The following DGKH variants were observed in gnomAD, a reference collection of about 807,000 sequenced individuals.
The protein encoded by DGKH is DAG kinase eta.
Under a neutral mutation model 159.3 loss-of-function variants are expected in DGKH, and 90 were observed. The ratio of observed to expected loss-of-function variants is 0.57; its 90% CI spans 0.48 to 0.67. The LOEUF is 0.67. Ranked by LOEUF, DGKH falls within the 30% of genes least tolerant of loss-of-function variation. DGKH has a pLI of 0.00. For synonymous variants in DGKH, 536 were observed against 553.8 expected, an observed-to-expected ratio of 0.97 and a Z score of 0.45; for missense variants, 1,181 against 1,506.1, an observed-to-expected ratio of 0.78 and a Z score of 3.57.
chr13:42,203,003 G>A (rs2138167482), intron 20 of DGKH, among the ~76,000 whole-genome samples: 1 of 152,170 alleles, frequency 6.6e-6, no homozygotes, highest in East Asian at 1.9e-4. Flanking sequence ...TTCATCTGTA[G>A]GCTATAATGA....
chr13:42,223,835 C>T (rs933596702), intron 29 of DGKH, among the ~76,000 whole-genome samples: 2 of 152,028 alleles, frequency 1.3e-5, no homozygotes, highest in South Asian at 2.1e-4. Flanking sequence ...AGGGCTTTTA[C>T]GGAATCCATT....
At chr13:42,210,919 C>T (rs1438555063) in intron 24 of DGKH, among the ~76,000 whole-genome samples, 154 bp downstream of exon 24, 1 of 152,116 alleles carries the variant, frequency 6.6e-6, no homozygotes, top group Non-Finnish European at 1.5e-5. Flanking sequence ...GTTTATTTCT[C>T]CATTTTATAT....
chr13:42,051,135 A>T (rs556308456), intron 1 of DGKH, among the ~76,000 whole-genome samples: 2 of 152,226 alleles, frequency 1.3e-5, no homozygotes, highest in South Asian at 4.3e-4. Flanking sequence ...GTGATTTTCT[A>T]TCTGACTTTC....
chr13:42,159,972 C>T, intron 6 of DGKH, 39 bp from the exon 7 acceptor site: 1 of 1,614,056 alleles, frequency 6.2e-7, no homozygotes, highest in Non-Finnish European at 8.5e-7. Flanking sequence ...TTGGTGTCCG[C>T]CAGTCTTCAC....
intron 3 of DGKH, among the ~76,000 whole-genome samples, chr13:42,135,064 T>C (rs1426273086): frequency 6.6e-6 from 1 of 152,230 alleles, no homozygotes; most frequent in Non-Finnish European, 1.5e-5. Flanking sequence ...AGTTTGAGTT[T>C]ATGATTACAC....
At chr13:42,226,362 T>C (rs1184562816) in intron 29 of DGKH, among the ~76,000 whole-genome samples, 2 of 152,288 alleles carry the variant, frequency 1.3e-5, no homozygotes, top group East Asian at 3.9e-4. Flanking sequence ...TGTAAATTAG[T>C]TCAATCATTG....
chr13:42,103,800 G>A (rs974539915), intron 1 of DGKH, among the ~76,000 whole-genome samples: 2 of 152,296 alleles, frequency 1.3e-5, no homozygotes, highest in East Asian at 1.9e-4. Flanking sequence ...TTGGAGAGAA[G>A]GAGTGGATAC....
chr13:42,215,492 A>T, intron 25 of DGKH, 83 bp from the exon 26 acceptor site: 1 of 1,056,226 alleles, frequency 9.5e-7, no homozygotes, highest in Middle Eastern at 3.0e-4. Flanking sequence ...AATTTAAATT[A>T]TAAGAATAAA....
chr13:42,151,549 G>GTGTATATATATATACACA (rs1955894847), intron 3 of DGKH, among the ~76,000 whole-genome samples: 3 of 101,366 alleles, frequency 3.0e-5, no homozygotes, highest in South Asian at 4.9e-4. Context: ...ATATATACAC[G>GTGTATATATATATACACA]TGTATATATG....
chr13:42,049,407 C>T (rs1471916178), intron 1 of DGKH, among the ~76,000 whole-genome samples: 2 of 152,208 alleles, frequency 1.3e-5, no homozygotes, highest in African/African-American at 4.8e-5. Context: ...TCTTCCCTGC[C>T]GTTCGGGGGA....
At chr13:42,224,880 A>C (rs780794567) in intron 29 of DGKH, among the ~76,000 whole-genome samples, 1 of 144,660 alleles carries the variant, frequency 6.9e-6, no homozygotes, top group Non-Finnish European at 1.5e-5. Flanking sequence ...ATGACAGTCT[A>C]AAGTTGGGAA....
In DGKH at chr13:42,241,904, A is replaced by T. The variant is rs948905894; in HGVS notation, c.*12716A>T. On this transcript the variant is annotated 3_prime_UTR_variant, in exon 30 of 30. Transcript: ENST00000337343. ...TTAGGCAATAGGGTTCCTTCATGAGAAGGAAAAAACTGTATCTTTATTGTC... is the reference window on the plus strand; with the variant it reads ...TTAGGCAATAGGGTTCCTTCATGAGTAGGAAAAAACTGTATCTTTATTGTC... The T allele has an allele frequency of 2.0e-5, 3 of 152,218 alleles. No homozygotes were observed. Among genetic ancestry groups the T allele is most frequent in the Admixed American group, 2.0e-4 (3 of 15,284 alleles). 9.4% of individuals were successfully genotyped at this position (152,218 alleles called of 1,614,324 possible). A position where few individuals can be genotyped will look rare whatever the true frequency, so the allele number is the denominator to read the frequency against.
downstream of DGKH, among the ~76,000 whole-genome samples, chr13:42,246,768 AC>A (rs1219732758): frequency 6.6e-6 from 1 of 151,792 alleles, no homozygotes; most frequent in Non-Finnish European, 1.5e-5. Flanking sequence ...CTGCTGTATC[AC>A]CCCCCGCAAC....
At chr13:42,195,126 T>C (rs771414065) in intron 17 of DGKH, 110 bp downstream of exon 17, 5 of 1,344,156 alleles carry the variant, frequency 3.7e-6, no homozygotes, top group Non-Finnish European at 5.0e-6. Flanking sequence ...TATTCTTTAG[T>C]AGAATGTTCT....
intron 1 of DGKH, among the ~76,000 whole-genome samples, chr13:42,115,864 T>C (rs1954957337): frequency 6.6e-6 from 1 of 151,954 alleles, no homozygotes; most frequent in Non-Finnish European, 1.5e-5. Flanking sequence ...GTGGGAAAAA[T>C]TGATAGCATG....
chr13:42,181,687 A>C, intron 13 of DGKH: 1 of 436,884 alleles, frequency 2.3e-6, no homozygotes, highest in Non-Finnish European at 4.5e-6. Flanking sequence ...CATTCCCATG[A>C]TAGTTGACCC....
intron 8 of DGKH, 26 bp downstream of exon 8, chr13:42,165,459 A>G (rs1006856798): frequency 2.3e-6 from 3 of 1,300,512 alleles, no homozygotes; most frequent in Non-Finnish European, 3.2e-6. Context: ...GTAAGTACGT[A>G]TATTTCTGGT....
intron 1 of DGKH, among the ~76,000 whole-genome samples, chr13:42,093,235 C>T (rs367744236): frequency 4.0e-5 from 6 of 149,212 alleles, no homozygotes; most frequent in South Asian, 2.1e-4. Context: ...CAGAGCAAAA[C>T]TCTGTCTCCA....
chr13:42,059,555 G>A (rs1393488475), intron 1 of DGKH, among the ~76,000 whole-genome samples: 1 of 151,996 alleles, frequency 6.6e-6, no homozygotes, highest in Non-Finnish European at 1.5e-5. Flanking sequence ...TGGCCTTCAA[G>A]TGTCTTATGA....
Sources: gnomAD v4.1 joint callset for allele counts (sites outside exome capture counted in the v4.1 genomes callset) on GRCh38, gnomAD v4.1.1 for gene constraint, MANE v1.5 for transcripts, NCBI Gene and HGNC (gene_info 2026-07-23, HGNC 2026-07-21) for gene names.